ADCY6: variants seen among roughly 807,000 people sequenced by gnomAD.
ADCY6 encodes the protein adenylate cyclase type 6.
In ADCY6, 59 loss-of-function variants were observed where a neutral mutation model predicts 111.6. The ratio of observed to expected loss-of-function variants is 0.53; its 90% CI spans 0.43 to 0.66. The LOEUF (loss-of-function observed/expected upper bound fraction) is 0.66. ADCY6 is among the 30% of genes least tolerant of loss of function. The pLI, the probability that ADCY6 is intolerant of heterozygous loss-of-function variation, is 0.00. For missense variants in ADCY6, 1,242 were observed against 1,595.6 expected, an observed-to-expected ratio of 0.78 and a Z score of 3.78; for synonymous variants, 576 against 642.9, an observed-to-expected ratio of 0.90 and a Z score of 1.57.
Position 48,775,363 on chromosome 12 carries a change from C to T in ADCY6, c.1920G>A (p.Leu640=). ...GAAACCGGCGCACATGGTCCTTCCGCAGCTGATCAATGCTGCGGGCATCGA... is the reference window on the plus strand; with the variant it reads ...GAAACCGGCGCACATGGTCCTTCCGTAGCTGATCAATGCTGCGGGCATCGA... ...RAIDARSIDQ[L]RKDHVRRFLL... is the part of the protein sequence containing the mutation. The change falls in exon 11 of 22, where the codon CTG becomes CTA. Residue 640 remains leucine, a synonymous_variant. Transcript: ENST00000357869. 5.6e-6 allele frequency: 9 copies of T among 1,614,174 alleles called. No homozygotes were observed. Among genetic ancestry groups the T allele is most frequent in the African/African-American group, 1.3e-5 (1 of 75,044 alleles).
At position 48,782,042 on chromosome 12, in the gene ADCY6, A is replaced by G. The variant is rs1285254976; in HGVS notation, c.864+529T>C. 6.6e-6 allele frequency among the ~76,000 whole-genome samples: 1 copy of G among 152,134 alleles called. No homozygotes were observed. Among genetic ancestry groups the G allele is most frequent in the Non-Finnish European group, 1.5e-5 (1 of 68,014 alleles). ...CTCCCAGAAGTGGCCTTGGTCCAGG[A>G]AAGAGGGGACTCCTCTCTTGCTGAC... On this transcript the variant is annotated intron_variant, in intron 2 of 21. Coordinates refer to ENST00000357869, the MANE Select transcript of ADCY6 (RefSeq NM_015270.5). The surrounding 1 kb of genome is among the most constrained non-coding windows in gnomAD (Gnocchi z 4.3).
At chr12:48,775,109 C>T in intron 11 of ADCY6, 55 bp from the exon 12 acceptor site, 1 of 1,493,486 alleles carries the variant, frequency 6.7e-7, no homozygotes, top group Non-Finnish European at 9.1e-7. Flanking sequence ...AAGGCAGGGA[C>T]AGCAAGGACA....
chr12:48,776,260 G>C lies in ADCY6; in HGVS notation c.1626C>G (p.Leu542=). Residue 542 remains leucine (L), a synonymous_variant, in exon 8 of 22, where the codon CTC becomes CTG. Transcript: ENST00000357869. This position sits in a 1 kb window ranked among gnomAD's most constrained non-coding sequence, Gnocchi z 6.1. ...PGRGGERNAY[L]KEQHIETFLI... ...GGAAAGTCTCAATGTGCTGCTCCTT[G>C]AGGTACGCGTTGCGCTCGCCACCAC... 6.2e-7 allele frequency: 1 copy of C among 1,614,238 alleles called. No homozygotes were observed. The highest frequency in any genetic ancestry group is 8.5e-7 in the Non-Finnish European group (1 of 1,180,050).
In ADCY6 at chr12:48,768,931, C is replaced by T; in HGVS notation, c.3381+6G>A. The T allele has an allele frequency of 6.2e-7, 1 of 1,605,806 alleles. No homozygotes were observed. Among genetic ancestry groups the T allele is most frequent in the Non-Finnish European group, 8.5e-7 (1 of 1,175,888 alleles). ...TCCTCCCAGCCCCTGCTCATATCCC[C>T]CTCACCTGGATTCGGTCGGGGACCC... On this transcript the variant is annotated splice_donor_region_variant and intron_variant, in intron 21 of 21. Coordinates refer to ENST00000357869, the MANE Select transcript of ADCY6 (RefSeq NM_015270.5).
Position 48,777,987 on chromosome 12 carries a change from C to A in ADCY6, c.1014+121G>T. The A allele has an allele frequency of 1.4e-6, 2 of 1,399,864 alleles. No homozygotes were observed. The highest frequency in any genetic ancestry group is 1.9e-6 in the Non-Finnish European group (2 of 1,037,016). 86.7% of individuals were successfully genotyped at this position (1,399,864 alleles called of 1,614,324 possible). ...CCCCAGTATCACAGGGCCTCTGTGA[C>A]GCACAACCCAGGGGAACCATCACAC... On this transcript the variant is annotated intron_variant, in intron 3 of 21. Coordinates refer to ENST00000357869, the MANE Select transcript of ADCY6 (RefSeq NM_015270.5). This position sits in a 1 kb window ranked among gnomAD's most constrained non-coding sequence, Gnocchi z 4.9.
chr12:48,784,669 T>TG (rs1290499655), intron 1 of ADCY6, among the ~76,000 whole-genome samples: 2 of 133,928 alleles, frequency 1.5e-5, no homozygotes, highest in Non-Finnish European at 3.2e-5. Context: ...TCTGGAGTTT[T>TG]TTTTTTTTTT....
intron 18 of ADCY6, 155 bp downstream of exon 18, chr12:48,772,140 G>C: frequency 1.4e-6 from 2 of 1,387,168 alleles, no homozygotes; most frequent in Non-Finnish European, 1.9e-6. Context: ...TAGAGGATGG[G>C]GCAGGGAGTA....
upstream of ADCY6, chr12:48,789,171 C>T (rs1349730000): frequency 1.3e-5 from 2 of 152,226 alleles, no homozygotes. Flanking sequence ...CTGGGCATCC[C>T]CCTCCCCCTC....
chr12:48,779,632 G>A (rs779547328), intron 2 of ADCY6, among the ~76,000 whole-genome samples: 4 of 152,116 alleles, frequency 2.6e-5, no homozygotes, highest in Non-Finnish European at 5.9e-5. Context: ...CATCATCAGC[G>A]GCACTGGCTA....
chr12:48,774,691 A>G lies in ADCY6; in HGVS notation c.2166T>C (p.Ser722=). 6.2e-7 allele frequency: 1 copy of G among 1,614,026 alleles called. No individual in the cohort carries two copies. Among genetic ancestry groups the G allele is most frequent in the Non-Finnish European group, 8.5e-7 (1 of 1,179,904 alleles). Reference sequence around the variant, plus strand: ...CAGCCTCAGAAATCCCCTTACGTACAGAACCACAGGAGTACACAGCACAGA... The same window carrying G: ...CAGCCTCAGAAATCCCCTTACGTACGGAACCACAGGAGTACACAGCACAGA... ...VLICAVYSCG[S]LFPKALQRLS... Residue 722 remains serine, a splice_region_variant and synonymous_variant, in exon 13 of 22, where the codon TCT becomes TCC. Coordinates refer to ENST00000357869, the MANE Select transcript of ADCY6 (RefSeq NM_015270.5).
intron 18 of ADCY6, 143 bp from the exon 19 acceptor site, chr12:48,772,116 G>T (rs1000968505): frequency 1.8e-5 from 25 of 1,385,062 alleles, no homozygotes; most frequent in Non-Finnish European, 2.3e-5. Flanking sequence ...AGGCAAAGGG[G>T]TAAAGGGGGC....
At position 48,771,988 on chromosome 12, in the gene ADCY6, C is replaced by T. The variant is rs1382666531; in HGVS notation, c.2788-15G>A. ...TCCCCTGTTGCCTGTGGACACCACACCCATCACCCATTGCCCGACATTCAC... is the reference window on the plus strand; with the variant it reads ...TCCCCTGTTGCCTGTGGACACCACATCCATCACCCATTGCCCGACATTCAC... On this transcript the variant is annotated splice_polypyrimidine_tract_variant and intron_variant, in intron 18 of 21. Coordinates refer to ENST00000357869, the MANE Select transcript of ADCY6 (RefSeq NM_015270.5). This position sits in a 1 kb window ranked among gnomAD's most constrained non-coding sequence, Gnocchi z 4.3. 1 of 1,596,580 alleles carries T rather than the reference C, an allele frequency of 6.3e-7. No homozygotes were observed. Among genetic ancestry groups the T allele is most frequent in the Non-Finnish European group, 8.5e-7 (1 of 1,170,494 alleles).
chr12:48,784,664 A>ATTTTT (rs1941942083), intron 1 of ADCY6, among the ~76,000 whole-genome samples: 2 of 84,232 alleles, frequency 2.4e-5, no homozygotes, highest in Non-Finnish European at 2.4e-5. Flanking sequence ...AAAAATCTGG[A>ATTTTT]GTTTTTTTTT....
chr12:48,775,907 G>T, intron 9 of ADCY6, 56 bp downstream of exon 9: 2 of 1,561,236 alleles, frequency 1.3e-6, no homozygotes, highest in Admixed American at 1.9e-5. Context: ...TCAGGGACAG[G>T]GTATTGAGGG....
intron 2 of ADCY6, among the ~76,000 whole-genome samples, chr12:48,780,205 T>C (rs530112753): frequency 6.6e-6 from 1 of 152,190 alleles, no homozygotes; most frequent in African/African-American, 2.4e-5. Context: ...CACATCCCTA[T>C]CTGACTATGA....
chr12:48,778,378 T>G, intron 2 of ADCY6, 121 bp from the exon 3 acceptor site: 1 of 1,293,128 alleles, frequency 7.7e-7, no homozygotes, highest in Non-Finnish European at 1.1e-6. Context: ...CTGCACCCTG[T>G]CTGTCCCCAA....
rs141804511 is a variant in ADCY6, at chr12:48,771,046, C to T, written c.3052-76G>A. ...CCCTGCCCCAACACTCATTTCTTGCCACGCCTTGGCTGCCTTCCCCACTTC... is the reference window on the plus strand; with the variant it reads ...CCCTGCCCCAACACTCATTTCTTGCTACGCCTTGGCTGCCTTCCCCACTTC... On this transcript the variant is annotated intron_variant, in intron 19 of 21. Transcript: ENST00000357869. This position sits in a 1 kb window ranked among gnomAD's most constrained non-coding sequence, Gnocchi z 4.3. 2.1e-6 allele frequency: 3 copies of T among 1,449,758 alleles called. No homozygotes were observed. The highest frequency in any genetic ancestry group is 2.8e-6 in the Non-Finnish European group (3 of 1,057,894). The allele number at this position is 1,449,758 out of a possible 1,614,324, so 89.8% of individuals were successfully genotyped here. A position where few individuals can be genotyped will look rare whatever the true frequency, so the allele number is the denominator to read the frequency against.
rs1941714263 is a variant in ADCY6, at chr12:48,776,707, G to C, written c.1377-121C>G. The stretch of plus-strand genomic sequence containing the variant: ...GGACAGACCCAGATGCAGGGGACGG[G>C]AGCACAGCCTTGGTTGGACATGAGC... On this transcript the variant is annotated intron_variant, in intron 6 of 21. Coordinates refer to ENST00000357869, the MANE Select transcript of ADCY6 (RefSeq NM_015270.5). The surrounding 1 kb of genome is among the most constrained non-coding windows in gnomAD (Gnocchi z 6.1). 7.6e-7 allele frequency: 1 copy of C among 1,310,200 alleles called. No individual in the cohort carries two copies. The highest frequency in any genetic ancestry group is 1.0e-6 in the Non-Finnish European group (1 of 976,770). 81.2% of individuals were successfully genotyped at this position (1,310,200 alleles called of 1,614,324 possible). A position where few individuals can be genotyped will look rare whatever the true frequency, so the allele number is the denominator to read the frequency against.
At position 48,783,406 on chromosome 12, in the gene ADCY6, G is replaced by A. The variant is rs1310211678; in HGVS notation, c.29C>T (p.Pro10Leu). Residue 10 changes from proline to leucine, a missense_variant, in exon 2 of 22, where the codon CCT (proline) becomes CTT (leucine). Coordinates refer to ENST00000357869, the MANE Select transcript of ADCY6 (RefSeq NM_015270.5). Reference sequence around the variant, plus strand: ...GGCTGTTTTCCGTTCATCCACTTTAGGGACCAGGAGGCCACTAAACCATGA... The same window carrying A: ...GGCTGTTTTCCGTTCATCCACTTTAAGGACCAGGAGGCCACTAAACCATGA... MSWFSGLLV[P>L]KVDERKTAWG... The A allele has an allele frequency of 6.2e-7, 1 of 1,614,214 alleles. No homozygotes were observed. Among genetic ancestry groups the A allele is most frequent in the Non-Finnish European group, 8.5e-7 (1 of 1,180,036 alleles).
Sources: allele counts gnomAD v4.1 joint callset (sites outside exome capture counted in the v4.1 genomes callset), GRCh38; gene constraint gnomAD v4.1.1; non-coding constraint Gnocchi (gnomAD v3.1); transcripts MANE v1.5; gene names NCBI Gene and HGNC (gene_info 2026-07-23, HGNC 2026-07-21).